The following TDRP variants were observed in gnomAD, a reference collection of about 807,000 sequenced individuals.
TDRP encodes testis development-related protein.
TDRP carries 12 observed loss-of-function variants against 10.5 expected under a neutral mutation model. The observed-to-expected ratio is 1.15, with a 90% confidence interval of 0.73 to 1.86. TDRP has a LOEUF of 1.86. TDRP is among the 40% of genes most tolerant of loss of function. The pLI is 0.00. For missense variants in TDRP, 353 were observed against 229.2 expected (o/e 1.54, Z -3.49); for synonymous variants, 139 against 95.4 (o/e 1.46, Z -2.67).
At chr8:503,916 C>A (rs1220306021) in intron 1 of TDRP, among the ~76,000 whole-genome samples, 3 of 148,972 alleles carry the variant, frequency 2.0e-5, no homozygotes, top group Non-Finnish European at 4.5e-5. Flanking sequence ...CCTCAGCACG[C>A]ACCAACATGG....
At chr8:544,880 T>C (rs1802598072), upstream of TDRP, 2 of 661,046 alleles carry the variant, frequency 3.0e-6, 1 homozygote, top group South Asian at 1.5e-4. Context: ...CGGGCGGGGC[T>C]AGGCGGGGGC....
At chr8:496,798 G>C (rs1402710316) in intron 1 of TDRP, among the ~76,000 whole-genome samples, 1 of 152,182 alleles carries the variant, frequency 6.6e-6, no homozygotes, top group African/African-American at 2.4e-5. Flanking sequence ...GAGATGACTG[G>C]ATCATGGGGG....
chr8:536,432 C>G (rs1401093767), intron 1 of TDRP, among the ~76,000 whole-genome samples: 2 of 152,182 alleles, frequency 1.3e-5, no homozygotes, highest in African/African-American at 4.8e-5. Context: ...TAAAAACATT[C>G]CATACTGGAA....
At chr8:527,374 C>G (rs955978565) in intron 1 of TDRP, among the ~76,000 whole-genome samples, 7 of 151,958 alleles carry the variant, frequency 4.6e-5, no homozygotes, top group African/African-American at 1.5e-4. Flanking sequence ...TAATCCCATT[C>G]ATACCAATGA....
At chr8:510,758 G>A (rs952659228) in intron 1 of TDRP, among the ~76,000 whole-genome samples, 1 of 152,204 alleles carries the variant, frequency 6.6e-6, no homozygotes, top group Non-Finnish European at 1.5e-5. Flanking sequence ...TGAAAACGAG[G>A]AACTCCATAC....
At chr8:507,331 T>C (rs1801494025) in intron 1 of TDRP, among the ~76,000 whole-genome samples, 1 of 152,128 alleles carries the variant, frequency 6.6e-6, no homozygotes, top group South Asian at 2.1e-4. Flanking sequence ...GACCTGAGGC[T>C]GCTGGCTTTC....
chr8:536,606 TGA>T (rs1342116783), intron 1 of TDRP, among the ~76,000 whole-genome samples: 1 of 152,226 alleles, frequency 6.6e-6, no homozygotes, highest in African/African-American at 2.4e-5. Flanking sequence ...CACATAGATA[TGA>T]GAGTATGAAA....
chr8:519,786 G>T (rs1020840233), intron 1 of TDRP, among the ~76,000 whole-genome samples: 1 of 152,204 alleles, frequency 6.6e-6, no homozygotes, highest in African/African-American at 2.4e-5. Flanking sequence ...AGGCAGTGGG[G>T]CGAGGCATTG....
At chr8:512,291 G>A (rs1205203849) in intron 1 of TDRP, among the ~76,000 whole-genome samples, 1 of 151,962 alleles carries the variant, frequency 6.6e-6, no homozygotes, top group African/African-American at 2.4e-5. Context: ...AAAATGACTG[G>A]GCATGGTGGC....
At chr8:505,618 C>A (rs1012195166) in intron 1 of TDRP, among the ~76,000 whole-genome samples, 1 of 152,186 alleles carries the variant, frequency 6.6e-6, no homozygotes, top group Non-Finnish European at 1.5e-5. Flanking sequence ...CCATGAAGAT[C>A]TCCAGCCACA....
chr8:499,384 A>G (rs1801224261), intron 1 of TDRP, among the ~76,000 whole-genome samples: 1 of 152,126 alleles, frequency 6.6e-6, no homozygotes, highest in African/African-American at 2.4e-5. Context: ...TGGCAGTAGA[A>G]CCCACATTTC....
intron 1 of TDRP, among the ~76,000 whole-genome samples, chr8:530,170 C>G (rs1417206858): frequency 3.3e-5 from 5 of 151,750 alleles, no homozygotes; most frequent in African/African-American, 1.2e-4. Flanking sequence ...TCAGTTATTT[C>G]TCAGATGCAG....
chr8:512,232 G>A (rs1409033553), intron 1 of TDRP, among the ~76,000 whole-genome samples: 2 of 151,444 alleles, frequency 1.3e-5, no homozygotes, highest in Admixed American at 6.6e-5. Context: ...GACCATCCTG[G>A]CCAACACAGT....
At chr8:538,068 C>T (rs1226654595) in intron 1 of TDRP, among the ~76,000 whole-genome samples, 1 of 152,152 alleles carries the variant, frequency 6.6e-6, no homozygotes, top group African/African-American at 2.4e-5. Flanking sequence ...AAAGCTTCTG[C>T]GGCATTGTTA....
At chr8:498,029 G>C (rs1384264535) in intron 1 of TDRP, among the ~76,000 whole-genome samples, 1 of 152,168 alleles carries the variant, frequency 6.6e-6, no homozygotes, top group African/African-American at 2.4e-5. Context: ...CATCCAAGCA[G>C]AAATCTGCTG....
chr8:508,566 G>A (rs887032190), intron 1 of TDRP, among the ~76,000 whole-genome samples: 3 of 152,120 alleles, frequency 2.0e-5, no homozygotes, highest in Admixed American at 6.5e-5. Context: ...ACTATCACAA[G>A]AATAGCATGC....
intron 1 of TDRP, among the ~76,000 whole-genome samples, chr8:515,667 C>A (rs1234826361): frequency 6.6e-6 from 1 of 152,176 alleles, no homozygotes. Flanking sequence ...TGGGCAGCCT[C>A]TAACATTACT....
intron 1 of TDRP, among the ~76,000 whole-genome samples, chr8:507,469 T>A (rs1042339845): frequency 6.6e-6 from 1 of 152,170 alleles, no homozygotes; most frequent in African/African-American, 2.4e-5. Context: ...TAGAGCAATG[T>A]ATGCCCCAGG....
Position 491,591 on chromosome 8 carries a change from C to T in TDRP, c.*808G>A. ...GGCACTTCAGTATTTTATGCACAGTCTTAACTCTCTATAATGAGCAAGACA... is the reference window on the plus strand; with the variant it reads ...GGCACTTCAGTATTTTATGCACAGTTTTAACTCTCTATAATGAGCAAGACA... On this transcript the variant is annotated 3_prime_UTR_variant, in exon 3 of 3. Transcript: ENST00000324079. The T allele has an allele frequency of 1.3e-6, 2 of 1,525,320 alleles. No individual in the cohort carries two copies. Among genetic ancestry groups the T allele is most frequent in the South Asian group, 2.5e-5 (2 of 81,034 alleles). The allele number at this position is 1,525,320 out of a possible 1,614,324, so 94.5% of individuals were successfully genotyped here. A position where few individuals can be genotyped will look rare whatever the true frequency, so the allele number is the denominator to read the frequency against.
Sources: allele counts gnomAD v4.1 joint callset (sites outside exome capture counted in the v4.1 genomes callset), GRCh38; gene constraint gnomAD v4.1.1; transcripts MANE v1.5; gene names NCBI Gene and HGNC (gene_info 2026-07-23, HGNC 2026-07-21).